Variants in NEK1 observed in about 807,000 individuals in gnomAD.
The protein encoded by NEK1 is serine/threonine-protein kinase Nek1.
Under a neutral mutation model 182.1 loss-of-function variants are expected in NEK1, and 137 were observed. The observed-to-expected ratio is 0.75, with a 90% confidence interval of 0.65 to 0.87. NEK1 has a LOEUF of 0.87. Among genes scored for constraint, NEK1 ranks in the 40% least tolerant of loss-of-function variants. NEK1 has a pLI of 0.00. For synonymous variants in NEK1, 513 were observed against 492.2 expected, an observed-to-expected ratio of 1.04 and a Z score of -0.56; for missense variants, 1,391 against 1,494.4, an observed-to-expected ratio of 0.93 and a Z score of 1.14.
chr4:169,412,686 A>G (rs1733871560), intron 31 of NEK1, among the ~76,000 whole-genome samples: 1 of 152,206 alleles, frequency 6.6e-6, no homozygotes, highest in South Asian at 2.1e-4. Context: ...TGCTGAGGAT[A>G]TAATGGTGAT....
chr4:169,426,223 C>T lies in NEK1; in HGVS notation c.2897G>A (p.Arg966Lys), dbSNP rs1736362322. Reference sequence around the variant, plus strand: ...AACTTCATTTTCCTGAATGGTGATCCTATCTGCCGACCTGCCACAGATGGG... The same window carrying T: ...AACTTCATTTTCCTGAATGGTGATCTTATCTGCCGACCTGCCACAGATGGG... ...KETKETQSAD[R>K]ITIQENEVSE... Residue 966 changes from arginine (R) to lysine (K), a missense_variant, in exon 30 of 36, where the codon AGG becomes AAG. Around this residue, in one of 5 missense-constraint regions of NEK1, gnomAD observed 1,216 missense variants for 1,277.6 expected, o/e 0.95. Coordinates refer to ENST00000507142, the MANE Select transcript of NEK1 (RefSeq NM_001199397.3). 3 of 1,613,036 alleles carry T rather than the reference C, an allele frequency of 1.9e-6. No individual in the cohort carries two copies. The highest frequency in any genetic ancestry group is 2.5e-6 in the Non-Finnish European group (3 of 1,179,528).
intron 23 of NEK1, among the ~76,000 whole-genome samples, chr4:169,497,831 G>C (rs1409870105): frequency 1.3e-5 from 2 of 152,094 alleles, no homozygotes; most frequent in Non-Finnish European, 2.9e-5. Flanking sequence ...CCAACTATGT[G>C]GTCAATTTTG....
In NEK1 at chr4:169,438,177, T is replaced by C. The variant is rs1579614236; in HGVS notation, c.2670A>G (p.Pro890=). ...CAACAGGAGAATCAACAATAGCTGA[T>C]GGGTTTATTTCATGTGAAATACATT... The part of the protein sequence containing the change: ...KVQCISHEIN[P]SAIVDSPVET... The change falls in exon 28 of 36, where the codon CCA becomes CCG. Residue 890 remains proline (P), a synonymous_variant. Transcript: ENST00000507142. 2 of 1,603,080 alleles carry C rather than the reference T, an allele frequency of 1.2e-6. No homozygotes were observed. Among genetic ancestry groups the C allele is most frequent in the African/African-American group, 1.3e-5 (1 of 74,926 alleles).
chr4:169,467,751 G>A (rs1187168763), intron 26 of NEK1, among the ~76,000 whole-genome samples: 2 of 151,492 alleles, frequency 1.3e-5, no homozygotes, highest in African/African-American at 4.9e-5. Context: ...AAACATACCA[G>A]TTAAAGGTTA....
intron 16 of NEK1, among the ~76,000 whole-genome samples, chr4:169,559,776 G>A (rs546137555): frequency 2.0e-5 from 3 of 152,250 alleles, no homozygotes; most frequent in East Asian, 1.9e-4. Flanking sequence ...TTGGGAGGCC[G>A]AGGCAGGCAG....
intron 18 of NEK1, among the ~76,000 whole-genome samples, chr4:169,545,817 T>C (rs980267582): frequency 1.5e-4 from 23 of 152,234 alleles, no homozygotes; most frequent in African/African-American, 4.3e-4. Flanking sequence ...ATGAGCATTT[T>C]TTCATGTGTT....
At chr4:169,511,632 C>G (rs1338514276) in intron 19 of NEK1, among the ~76,000 whole-genome samples, 1 of 152,108 alleles carries the variant, frequency 6.6e-6, no homozygotes, top group African/African-American at 2.4e-5. Flanking sequence ...AACCAGGAAA[C>G]TGACATTGAT....
At chr4:169,547,512 G>A (rs1760708718) in intron 18 of NEK1, among the ~76,000 whole-genome samples, 1 of 152,132 alleles carries the variant, frequency 6.6e-6, no homozygotes, top group South Asian at 2.1e-4. Context: ...GAATTTGAAT[G>A]CTGGCCTGCC....
At chr4:169,460,166 C>T (rs1166182044) in intron 27 of NEK1, among the ~76,000 whole-genome samples, 1 of 151,924 alleles carries the variant, frequency 6.6e-6, no homozygotes, top group East Asian at 1.9e-4. Context: ...CTCAATTTTG[C>T]TACGTGTATT....
At chr4:169,507,361 G>A (rs2149692333) in intron 22 of NEK1, among the ~76,000 whole-genome samples, 1 of 151,800 alleles carries the variant, frequency 6.6e-6, no homozygotes, top group South Asian at 2.1e-4. Context: ...ATAAAGGCAG[G>A]TATATTTGAA....
intron 18 of NEK1, among the ~76,000 whole-genome samples, chr4:169,548,922 C>A (rs1202893994): frequency 6.6e-6 from 1 of 152,254 alleles, no homozygotes; most frequent in African/African-American, 2.4e-5. Context: ...GGGTGGGACC[C>A]ACCAAGCCAG....
intron 19 of NEK1, among the ~76,000 whole-genome samples, chr4:169,515,289 T>C (rs1308037482): frequency 1.4e-4 from 21 of 152,168 alleles, no homozygotes; most frequent in Admixed American, 1.4e-3. Flanking sequence ...AAGTGCAAAT[T>C]AGATCCTGGT....
intron 27 of NEK1, among the ~76,000 whole-genome samples, chr4:169,441,424 T>A (rs1178090934): frequency 1.3e-5 from 2 of 152,232 alleles, no homozygotes; most frequent in African/African-American, 4.8e-5. Context: ...CATCCAGGAC[T>A]GGAGATCAAC....
At chr4:169,583,200 G>A (rs1371451584) in intron 10 of NEK1, among the ~76,000 whole-genome samples, 1 of 151,636 alleles carries the variant, frequency 6.6e-6, no homozygotes, top group African/African-American at 2.4e-5. Flanking sequence ...TCCAGAGGTG[G>A]AGGTTGCAGT....
At chr4:169,573,975 A>G (rs1580878116) in intron 12 of NEK1, among the ~76,000 whole-genome samples, 1 of 152,160 alleles carries the variant, frequency 6.6e-6, no homozygotes, top group African/African-American at 2.4e-5. Flanking sequence ...AGCCTGGGTA[A>G]CATAGTGCAA....
chr4:169,587,497 A>G, intron 9 of NEK1, 62 bp downstream of exon 9: 2 of 917,178 alleles, frequency 2.2e-6, no homozygotes, highest in Non-Finnish European at 3.2e-6. Flanking sequence ...TTAAAATATA[A>G]TAAAAACATT....
intron 31 of NEK1, 101 bp downstream of exon 31, chr4:169,424,452 C>T (rs1350634678): frequency 7.7e-7 from 1 of 1,303,210 alleles, no homozygotes; most frequent in Non-Finnish European, 1.0e-6. Context: ...GTGTTTGTGT[C>T]TGTGTTAAGA....
At chr4:169,459,664 C>T (rs1021652200) in intron 27 of NEK1, among the ~76,000 whole-genome samples, 13 of 152,162 alleles carry the variant, frequency 8.5e-5, no homozygotes, top group Non-Finnish European at 1.8e-4. Flanking sequence ...AATAAATAAA[C>T]TGTGGCACAT....
chr4:169,547,061 CAT>C (rs1478407669), intron 18 of NEK1, among the ~76,000 whole-genome samples: 2 of 152,152 alleles, frequency 1.3e-5, no homozygotes, highest in Non-Finnish European at 2.9e-5. Context: ...GCAGTTTCTT[CAT>C]AGTATCTATG....
Sources: gnomAD v4.1 joint callset for allele counts (sites outside exome capture counted in the v4.1 genomes callset) on GRCh38, gnomAD v4.1.1 for gene constraint, gnomAD v4.1.1 regional missense constraint, MANE v1.5 for transcripts, NCBI Gene and HGNC (gene_info 2026-07-23, HGNC 2026-07-21) for gene names.